OSBPL3: variants seen among roughly 807,000 people sequenced by gnomAD.
OSBPL3 encodes the protein oxysterol binding protein like 3.
OSBPL3 carries 65 observed loss-of-function variants against 120.1 expected under a neutral mutation model. The ratio of observed to expected loss-of-function variants is 0.54; its 90% CI spans 0.44 to 0.67. The LOEUF (loss-of-function observed/expected upper bound fraction) is 0.67, where lower values mean the gene tolerates loss of function less well. Ranked by LOEUF, OSBPL3 falls within the 30% of genes least tolerant of loss-of-function variation. The probability of loss-of-function intolerance (pLI) is 0.00; values close to 1 mark genes in which losing one functional copy is unlikely to be tolerated. For synonymous variants in OSBPL3, 416 were observed against 402.6 expected, an observed-to-expected ratio of 1.03 and a Z score of -0.40; for missense variants, 1,004 against 1,082.1, an observed-to-expected ratio of 0.93 and a Z score of 1.01.
chr7:24,877,624 G>C lies in OSBPL3; in HGVS notation c.97-5555C>G, dbSNP rs1249832429. Among the ~76,000 whole-genome samples the C allele has an allele frequency of 6.6e-6, 1 of 152,154 alleles. No homozygotes were observed. The highest frequency in any genetic ancestry group is 1.5e-5 in the Non-Finnish European group (1 of 68,024). ...TTACTGAATGAGTCTGCAAAGCAAG[G>C]GGGGTATCAAAAGAGTCCCCCAGAA... is the stretch of plus-strand genomic sequence containing the variant. On this transcript the variant is annotated intron_variant, in intron 2 of 22. Coordinates refer to ENST00000313367, the MANE Select transcript of OSBPL3 (RefSeq NM_015550.4). The surrounding 1 kb of genome is among the most constrained non-coding windows in gnomAD (Gnocchi z 4.8).
rs960613833 is a variant in OSBPL3 at position 24,979,939 on chromosome 7, G to C, written c.-203C>G. On this transcript the variant is annotated 5_prime_UTR_variant, in exon 1 of 23. Transcript: ENST00000313367. Reference sequence around the variant, plus strand: ...CTAGTTCCCCGGGGCCGGGCTCCGGGGTTAGCGCACAGAACCGGGAGAAGG... The same window carrying C: ...CTAGTTCCCCGGGGCCGGGCTCCGGCGTTAGCGCACAGAACCGGGAGAAGG... The C allele has an allele frequency of 1.0e-6, 1 of 977,306 alleles. No individual in the cohort carries two copies. The allele number at this position is 977,306 out of a possible 1,614,324, so 60.5% of individuals were successfully genotyped here.
intron 1 of OSBPL3, among the ~76,000 whole-genome samples, chr7:24,909,128 G>T (rs1808394700): frequency 6.6e-6 from 1 of 152,214 alleles, no homozygotes. Context: ...CCAAACCAGT[G>T]AACGGGGTGA....
intron 1 of OSBPL3, among the ~76,000 whole-genome samples, chr7:24,975,211 A>G (rs2128547595): frequency 6.6e-6 from 1 of 152,330 alleles, no homozygotes; most frequent in East Asian, 1.9e-4. Context: ...CATAGGCAAA[A>G]TATTTATTCT....
chr7:24,951,178 T>C (rs1047945642), intron 1 of OSBPL3, among the ~76,000 whole-genome samples: 7 of 152,202 alleles, frequency 4.6e-5, no homozygotes, highest in Non-Finnish European at 8.8e-5. Flanking sequence ...AATTTGAGAT[T>C]ATGGAATCAG....
At position 24,802,857 on chromosome 7, in the gene OSBPL3, C is replaced by T. The variant is rs2128096008; in HGVS notation, c.2567+1458G>A. Among the ~76,000 whole-genome samples the T allele has an allele frequency of 6.6e-6, 1 of 152,204 alleles. No individual in the cohort carries two copies. Among genetic ancestry groups the T allele is most frequent in the South Asian group, 2.1e-4 (1 of 4,818 alleles). ...CAACTGATCAGTCTGTTAATCTATCCATTTTTCTATTTCTTGCCTTTTTCA... is the reference window on the plus strand; with the variant it reads ...CAACTGATCAGTCTGTTAATCTATCTATTTTTCTATTTCTTGCCTTTTTCA... On this transcript the variant is annotated intron_variant, in intron 22 of 22. Transcript: ENST00000313367. The surrounding 1 kb of genome is among the most constrained non-coding windows in gnomAD (Gnocchi z 4.1).
At position 24,843,211 on chromosome 7, in the gene OSBPL3, G is replaced by A. The variant is rs192716276; in HGVS notation, c.1267-798C>T. ...TGGACTGAATGAATGGTGAGAGAAC[G>A]CATCCAACGCACATCAGACCAGGCC... On this transcript the variant is annotated intron_variant, in intron 12 of 22. Transcript: ENST00000313367. Among the ~76,000 whole-genome samples the A allele has an allele frequency of 1.4e-4, 22 of 152,278 alleles. No individual in the cohort carries two copies. In the East Asian group the frequency reaches 4.2e-3, roughly 29 times the overall value.
chr7:24,837,258 C>T (rs770537894), intron 14 of OSBPL3, among the ~76,000 whole-genome samples: 10 of 152,238 alleles, frequency 6.6e-5, no homozygotes, highest in Admixed American at 2.0e-4. Flanking sequence ...GGCTGGAGTG[C>T]GGTGGTATGA....
chr7:24,805,407 A>AT lies in OSBPL3; in HGVS notation c.2445-971dup, dbSNP rs747683328. 6.4e-4 allele frequency among the ~76,000 whole-genome samples: 97 copies of AT among 151,992 alleles called. 1 individual carries two copies. The highest frequency in any genetic ancestry group is 9.2e-4 in the Admixed American group (14 of 15,258). On this transcript the variant is annotated intron_variant, in intron 21 of 22. Transcript: ENST00000313367. This position sits in a 1 kb window ranked among gnomAD's most constrained non-coding sequence, Gnocchi z 4.0. ...GTGGACTGTTCATTTTCCTATGTCC[A>AT]TTTTTTTTAACACAAACTTAAGATA...
chr7:24,949,423 A>T (rs1814120535), intron 1 of OSBPL3, among the ~76,000 whole-genome samples: 1 of 152,242 alleles, frequency 6.6e-6, no homozygotes. Flanking sequence ...TTAGTGGTAC[A>T]TAAATTAATG....
chr7:24,976,526 G>A (rs754134242), intron 1 of OSBPL3, among the ~76,000 whole-genome samples: 5 of 131,062 alleles, frequency 3.8e-5, no homozygotes, highest in Non-Finnish European at 6.5e-5. Context: ...GATCTGAACA[G>A]TAGTAATTGG....
chr7:24,852,674 A>G lies in OSBPL3; in HGVS notation c.1028-40T>C. The G allele has an allele frequency of 1.2e-5, 16 of 1,371,888 alleles. No individual in the cohort carries two copies. The highest frequency in any genetic ancestry group is 1.6e-5 in the Non-Finnish European group (16 of 1,015,824). The allele number at this position is 1,371,888 out of a possible 1,614,324, so 85.0% of individuals were successfully genotyped here. A position where few individuals can be genotyped will look rare whatever the true frequency, so the allele number is the denominator to read the frequency against. ...TCATTATAAAAAGGAATAAGGAGGC[A>G]TAATTAAAAACAAAATACAGAAAAA... On this transcript the variant is annotated intron_variant, in intron 10 of 22. Coordinates refer to ENST00000313367, the MANE Select transcript of OSBPL3 (RefSeq NM_015550.4). The surrounding 1 kb of genome is among the most constrained non-coding windows in gnomAD (Gnocchi z 4.1).
Position 24,979,839 on chromosome 7 carries a change from GC to G in OSBPL3, c.-150+46del, listed in dbSNP as rs578152860. 22 of 969,100 alleles carry G rather than the reference GC, an allele frequency of 2.3e-5. 1 individual carries two copies. The highest frequency in any genetic ancestry group is 2.6e-5 in the Non-Finnish European group (21 of 815,280). 60.0% of individuals were successfully genotyped at this position (969,100 alleles called of 1,614,324 possible). A position where few individuals can be genotyped will look rare whatever the true frequency, so the allele number is the denominator to read the frequency against. ...CCTTCCGAGCCCGCGCCGCCGCCAGGCCCCCCGACACCCAGGCCCCATTTAG... is the reference window on the plus strand; with the variant it reads ...CCTTCCGAGCCCGCGCCGCCGCCAGGCCCCCGACACCCAGGCCCCATTTAG... On this transcript the variant is annotated intron_variant, in intron 1 of 22. Coordinates refer to ENST00000313367, the MANE Select transcript of OSBPL3 (RefSeq NM_015550.4).
At chr7:24,844,348 T>C (rs1221506341) in intron 12 of OSBPL3, among the ~76,000 whole-genome samples, 1 of 151,922 alleles carries the variant, frequency 6.6e-6, no homozygotes, top group Non-Finnish European at 1.5e-5. Context: ...TTGTAAACTT[T>C]GTTAAAATAT....
At position 24,946,785 on chromosome 7, in the gene OSBPL3, T is replaced by C. The variant is rs544827958; in HGVS notation, c.-150+33101A>G. On this transcript the variant is annotated intron_variant, in intron 1 of 22. Transcript: ENST00000313367. The surrounding 1 kb of genome is among the most constrained non-coding windows in gnomAD (Gnocchi z 4.3). Reference sequence around the variant, plus strand: ...TTTTTTATCATATGCTTTGGATTCATGAGCTGAAGTAGCAGGGATGTGTGG... The same window carrying C: ...TTTTTTATCATATGCTTTGGATTCACGAGCTGAAGTAGCAGGGATGTGTGG... Among the ~76,000 whole-genome samples the C allele has an allele frequency of 3.6e-4, 55 of 152,260 alleles. No individual in the cohort carries two copies. Among genetic ancestry groups the C allele is most frequent in the South Asian group, 1.2e-3 (6 of 4,824 alleles).
rs962590259 is a variant in OSBPL3, at chr7:24,854,884, C to T, written c.1028-2250G>A. On this transcript the variant is annotated intron_variant, in intron 10 of 22. Transcript: ENST00000313367. This position sits in a 1 kb window ranked among gnomAD's most constrained non-coding sequence, Gnocchi z 4.1. ...TGCAGGTAAAGCACATAACACAATGCGTGGTATGTAATAAATAACAAATGT... is the reference window on the plus strand; with the variant it reads ...TGCAGGTAAAGCACATAACACAATGTGTGGTATGTAATAAATAACAAATGT... Among the ~76,000 whole-genome samples, 2 of 152,098 alleles carry T rather than the reference C, an allele frequency of 1.3e-5. No individual in the cohort carries two copies. Among genetic ancestry groups the T allele is most frequent in the East Asian group, 1.9e-4 (1 of 5,202 alleles).
Position 24,802,993 on chromosome 7 carries a change from T to C in OSBPL3, c.2567+1322A>G, listed in dbSNP as rs929730654. 6.6e-6 allele frequency among the ~76,000 whole-genome samples: 1 copy of C among 152,230 alleles called. No individual in the cohort carries two copies. Among genetic ancestry groups the C allele is most frequent in the African/African-American group, 2.4e-5 (1 of 41,458 alleles). The stretch of plus-strand genomic sequence containing the variant: ...TTCCATCACTAATATCTTGAATTTG[T>C]GGAAATGATCAGAAGGGATCTAGTA... On this transcript the variant is annotated intron_variant, in intron 22 of 22. Transcript: ENST00000313367. The surrounding 1 kb of genome is among the most constrained non-coding windows in gnomAD (Gnocchi z 4.1).
rs1304302030 is a variant in OSBPL3, at chr7:24,953,309, C to G, written c.-150+26577G>C. Among the ~76,000 whole-genome samples, 1 of 152,164 alleles carries G rather than the reference C, an allele frequency of 6.6e-6. No individual in the cohort carries two copies. Among genetic ancestry groups the G allele is most frequent in the Non-Finnish European group, 1.5e-5 (1 of 68,036 alleles). On this transcript the variant is annotated intron_variant, in intron 1 of 22. Transcript: ENST00000313367. This position sits in a 1 kb window ranked among gnomAD's most constrained non-coding sequence, Gnocchi z 4.3. ...AGCTCTGCCAAGGAGTAAGCCCCATCTTTCCTAACCAAGCAACTCTTCCCT... is the reference window on the plus strand; with the variant it reads ...AGCTCTGCCAAGGAGTAAGCCCCATGTTTCCTAACCAAGCAACTCTTCCCT...
chr7:24,876,423 T>G (rs111762260), intron 2 of OSBPL3, among the ~76,000 whole-genome samples: 2,808 of 32,678 alleles, frequency 0.086, 101 homozygotes, highest in African/African-American at 0.27. Flanking sequence ...CTTCTAAGGT[T>G]TTTTTTTTTT....
intron 10 of OSBPL3, among the ~76,000 whole-genome samples, chr7:24,861,107 C>T (rs1800466252): frequency 6.6e-6 from 1 of 152,184 alleles, no homozygotes; most frequent in Admixed American, 6.5e-5. Flanking sequence ...TTCCTTTTAA[C>T]TTTGGCTCTT....
Sources: gnomAD v4.1 joint callset for allele counts (sites outside exome capture counted in the v4.1 genomes callset) on GRCh38, gnomAD v4.1.1 for gene constraint, Gnocchi (gnomAD v3.1) non-coding constraint, MANE v1.5 for transcripts, NCBI Gene and HGNC (gene_info 2026-07-23, HGNC 2026-07-21) for gene names.